The following DIP2A variants were observed in gnomAD, a reference collection of about 807,000 sequenced individuals.
The protein encoded by DIP2A is disco-interacting protein 2 homolog A.
A neutral mutation model predicts 177.4 loss-of-function variants in DIP2A; 85 were observed. That is an observed-to-expected ratio of 0.48 (90% CI 0.40 to 0.57). The LOEUF is 0.57. DIP2A is among the 20% of genes least tolerant of loss of function. DIP2A has a pLI of 0.00. For synonymous variants in DIP2A, 886 were observed against 881.8 expected (o/e 1.00, Z -0.08); for missense variants, 1,791 against 2,100.2 (o/e 0.85, Z 2.88).
At chr21:46,575,186 G>T in the DIP2A span, among the ~76,000 whole-genome samples, 2 of 152,022 alleles carry the variant, frequency 1.3e-5, no homozygotes, top group Non-Finnish European at 1.5e-5. Flanking sequence ...ACATGTGATC[G>T]TCTCGATTGA....
At position 46,558,399 on chromosome 21, in the gene DIP2A, G is replaced by T. The variant is rs542603337; in HGVS notation, c.3969+6G>T. 33 of 1,429,018 alleles carry T rather than the reference G, an allele frequency of 2.3e-5. No individual in the cohort carries two copies. In the South Asian group the frequency reaches 3.9e-4, roughly 17 times the overall value. 88.5% of individuals were successfully genotyped at this position (1,429,018 alleles called of 1,614,324 possible). ...ACGTGGCCATCTGCCTCCAGGTGAG[G>T]TGCCTGGGGCTGCGGTTCTCGAAAG... On this transcript the variant is annotated splice_donor_region_variant and intron_variant, in intron 32 of 37. Transcript: ENST00000417564.
rs1167879840 is a variant in DIP2A at position 46,556,268 on chromosome 21, A to C, written c.3498+177A>C. On this transcript the variant is annotated intron_variant, in intron 29 of 37. Coordinates refer to ENST00000417564, the MANE Select transcript of DIP2A (RefSeq NM_015151.4). This position sits in a 1 kb window ranked among gnomAD's most constrained non-coding sequence, Gnocchi z 4.5. The stretch of plus-strand genomic sequence containing the variant: ...TAAATGCTAAGATGTGATTAGCCTG[A>C]GAGTAATGCGTTTTCTGATGCATTA... 1 of 1,460,706 alleles carries C rather than the reference A, an allele frequency of 6.8e-7. No homozygotes were observed. Among genetic ancestry groups the C allele is most frequent in the Non-Finnish European group, 9.4e-7 (1 of 1,067,688 alleles). The allele number at this position is 1,460,706 out of a possible 1,614,324, so 90.5% of individuals were successfully genotyped here.
At position 46,569,758 on chromosome 21, in the gene DIP2A, G is replaced by T. The variant is rs1721686946; in HGVS notation, c.*2136G>T. 6.7e-6 allele frequency: 1 copy of T among 149,982 alleles called. No individual in the cohort carries two copies. Among genetic ancestry groups the T allele is most frequent in the Admixed American group, 6.6e-5 (1 of 15,188 alleles). 9.3% of individuals were successfully genotyped at this position (149,982 alleles called of 1,614,324 possible). A position where few individuals can be genotyped will look rare whatever the true frequency, so the allele number is the denominator to read the frequency against. On this transcript the variant is annotated 3_prime_UTR_variant, in exon 38 of 38. Coordinates refer to ENST00000417564, the MANE Select transcript of DIP2A (RefSeq NM_015151.4). ...AGGGTCTTTAAATTACCCCGAATAG[G>T]TTGTATCTTATTTTGCTTTTTTTCT...
chr21:46,561,617 T>C, intron 33 of DIP2A, 131 bp from the exon 34 acceptor site: 1 of 1,202,068 alleles, frequency 8.3e-7, no homozygotes, highest in Non-Finnish European at 1.2e-6. Flanking sequence ...AGGTGTGCTG[T>C]GGAAAGGTTG....
chr21:46,489,860 C>G (rs1279398547), intron 2 of DIP2A, among the ~76,000 whole-genome samples: 1 of 152,156 alleles, frequency 6.6e-6, no homozygotes, highest in Admixed American at 6.5e-5. Context: ...ACAACTGTTC[C>G]CCATTCCTTC....
intron 2 of DIP2A, among the ~76,000 whole-genome samples, chr21:46,489,818 A>G (rs1406102420): frequency 1.5e-5 from 2 of 133,106 alleles, no homozygotes; most frequent in East Asian, 2.4e-4. Flanking sequence ...ATTGGCTTCA[A>G]ATGATACCAG....
chr21:46,490,700 G>T lies in DIP2A; in HGVS notation c.264G>T (p.Arg88Ser). The T allele has an allele frequency of 6.3e-7, 1 of 1,583,732 alleles. No individual in the cohort carries two copies. The highest frequency in any genetic ancestry group is 8.6e-7 in the Non-Finnish European group (1 of 1,165,126). The change falls in exon 3 of 38, where the codon AGG (arginine) becomes AGT (serine). Residue 88 changes from arginine (R) to serine (S), a missense_variant. Arg to Ser is a moderately radical substitution (Grantham distance 110). Coordinates refer to ENST00000417564, the MANE Select transcript of DIP2A (RefSeq NM_015151.4). ...AGAAGTCTCGGCCCACCGCCTCGAG[G>T]GATGAGCGCTTCCGGTCAGGTAGGG... ...KQQKSRPTAS[R>S]DERFRSDVHT...
rs573410384 is a variant in DIP2A at position 46,478,492 on chromosome 21, G to A, written c.92-6265G>A. 1.8e-4 allele frequency among the ~76,000 whole-genome samples: 28 copies of A among 152,266 alleles called. No individual in the cohort carries two copies. In the South Asian group the frequency reaches 5.6e-3, roughly 30 times the overall value. ...CTCCCAAAGTGCTGGGATTACAGGC[G>A]TGAGCCACCACGCCTGGCAAAACTT... On this transcript the variant is annotated intron_variant, in intron 1 of 37. Coordinates refer to ENST00000417564, the MANE Select transcript of DIP2A (RefSeq NM_015151.4).
At chr21:46,472,691 A>G (rs1484953203) in intron 1 of DIP2A, among the ~76,000 whole-genome samples, 1 of 152,208 alleles carries the variant, frequency 6.6e-6, no homozygotes, top group Non-Finnish European at 1.5e-5. Flanking sequence ...GAGGAAAGGC[A>G]GGGGCTAACT....
intron 33 of DIP2A, 61 bp downstream of exon 33, chr21:46,560,844 G>A: frequency 6.4e-7 from 1 of 1,558,778 alleles, no homozygotes; most frequent in South Asian, 1.2e-5. Context: ...TGCAAACCAG[G>A]TCTGCACTGA....
chr21:46,579,786 G>T, the DIP2A span, among the ~76,000 whole-genome samples: 1 of 152,144 alleles, frequency 6.6e-6, no homozygotes, highest in Admixed American at 6.5e-5. Context: ...TTAATCTTGA[G>T]TTCCATTTTG....
chr21:46,477,836 G>C (rs558294867), intron 1 of DIP2A, among the ~76,000 whole-genome samples: 1 of 151,856 alleles, frequency 6.6e-6, no homozygotes, highest in African/African-American at 2.4e-5. Context: ...CACCTGCCTT[G>C]GCCTCCCAAA....
At chr21:46,483,727 A>C (rs1469365802) in intron 1 of DIP2A, among the ~76,000 whole-genome samples, 2 of 152,340 alleles carry the variant, frequency 1.3e-5, no homozygotes, top group South Asian at 2.1e-4. Flanking sequence ...GTACTCAATA[A>C]ATGACATCAG....
chr21:46,519,542 G>T (rs766889755), intron 8 of DIP2A, among the ~76,000 whole-genome samples: 1 of 152,028 alleles, frequency 6.6e-6, no homozygotes, highest in African/African-American at 2.4e-5. Flanking sequence ...TAACTATTAG[G>T]GTCTTTTATA....
At chr21:46,580,869 C>T in the DIP2A span, among the ~76,000 whole-genome samples, 2 of 152,208 alleles carry the variant, frequency 1.3e-5, no homozygotes, top group South Asian at 4.2e-4. Context: ...TCTGGCTGCC[C>T]TTAACATTTT....
chr21:46,528,411 C>T (rs9984381), intron 8 of DIP2A, among the ~76,000 whole-genome samples: 1 of 150,272 alleles, frequency 6.7e-6, no homozygotes, highest in Admixed American at 6.6e-5. Context: ...GGTGAAGTAT[C>T]TCATTTCTTG....
Position 46,529,150 on chromosome 21 carries a change from T to A in DIP2A, c.1161T>A (p.Ser387Arg). The change falls in exon 9 of 38, where the codon AGT becomes AGA. Residue 387 changes from serine (S) to arginine (R), a missense_variant. By Grantham distance (110) the Ser-to-Arg change is moderately radical (BLOSUM62 -1). Coordinates refer to ENST00000417564, the MANE Select transcript of DIP2A (RefSeq NM_015151.4). ...LAYTLLNKLT[S>R]KNEPLLKPGD... ...ATACTCTACTTAATAAACTGACAAG[T>A]AAGAATGAACCTCTACTTAAACCTG... 1 of 1,536,594 alleles carries A rather than the reference T, an allele frequency of 6.5e-7. No homozygotes were observed. Among genetic ancestry groups the A allele is most frequent in the Non-Finnish European group, 8.8e-7 (1 of 1,140,904 alleles).
intron 1 of DIP2A, among the ~76,000 whole-genome samples, chr21:46,468,143 A>G (rs1164279438): frequency 6.6e-6 from 1 of 151,712 alleles, no homozygotes; most frequent in Non-Finnish European, 1.5e-5. Flanking sequence ...GCAAGTACCT[A>G]TAATCCCAGC....
intron 1 of DIP2A, among the ~76,000 whole-genome samples, chr21:46,480,392 G>T (rs1451123758): frequency 6.6e-6 from 1 of 152,174 alleles, no homozygotes; most frequent in Non-Finnish European, 1.5e-5. Flanking sequence ...CTCCCACTGG[G>T]TCCCTCCCAT....
Sources: gnomAD v4.1 joint callset for allele counts (sites outside exome capture counted in the v4.1 genomes callset) on GRCh38, gnomAD v4.1.1 for gene constraint, Gnocchi (gnomAD v3.1) non-coding constraint, MANE v1.5 for transcripts, NCBI Gene and HGNC (gene_info 2026-07-23, HGNC 2026-07-21) for gene names.